Variants in ADAMTS12 observed in about 807,000 individuals in gnomAD.
ADAMTS12 encodes A disintegrin and metalloproteinase with thrombospondin motifs 12.
ADAMTS12 carries 118 observed loss-of-function variants against 167.8 expected under a neutral mutation model. That is an observed-to-expected ratio of 0.70 (90% CI 0.61 to 0.82). ADAMTS12 has a LOEUF of 0.82. Ranked by LOEUF, ADAMTS12 falls within the 40% of genes least tolerant of loss-of-function variation. ADAMTS12 has a pLI of 0.00. For missense variants in ADAMTS12, 1,916 were observed against 1,998.8 expected, an observed-to-expected ratio of 0.96 and a Z score of 0.79; for synonymous variants, 704 against 716.9, an observed-to-expected ratio of 0.98 and a Z score of 0.29.
intron 21 of ADAMTS12, 104 bp from the exon 22 acceptor site, chr5:33,546,306 A>T: frequency 9.1e-7 from 1 of 1,095,074 alleles, no homozygotes; most frequent in Non-Finnish European, 1.2e-6. Context: ...CAGTGTTACT[A>T]GGAATATTGG....
chr5:33,664,839 C>G (rs1561202354), intron 5 of ADAMTS12, among the ~76,000 whole-genome samples: 1 of 152,120 alleles, frequency 6.6e-6, no homozygotes, highest in African/African-American at 2.4e-5. Flanking sequence ...GAGATACCTG[C>G]CATGTTCACT....
intron 2 of ADAMTS12, among the ~76,000 whole-genome samples, chr5:33,791,385 A>G (rs148791606): frequency 6.6e-6 from 1 of 152,180 alleles, no homozygotes; most frequent in African/African-American, 2.4e-5. Context: ...GTTGGTCTCA[A>G]TCTCTTTCAG....
Position 33,620,678 on chromosome 5 carries a change from A to G in ADAMTS12, c.2143+3553T>C, listed in dbSNP as rs547582589. ...AGTTTTAATAGATTTTTAACTTTTT[A>G]TAATAGATTTGTGTATATTTTATGG... On this transcript the variant is annotated intron_variant, in intron 14 of 23. Transcript: ENST00000504830. 3.9e-5 allele frequency among the ~76,000 whole-genome samples: 6 copies of G among 152,342 alleles called. No individual in the cohort carries two copies. In the East Asian group the frequency reaches 5.8e-4, roughly 15 times the overall value.
intron 16 of ADAMTS12, among the ~76,000 whole-genome samples, chr5:33,604,640 C>T (rs377038178): frequency 2.0e-5 from 3 of 151,854 alleles, no homozygotes; most frequent in Admixed American, 6.6e-5. Flanking sequence ...AGAGCTCAGC[C>T]GACCTACCTG....
intron 20 of ADAMTS12, among the ~76,000 whole-genome samples, chr5:33,555,983 C>T (rs1259081891): frequency 6.6e-6 from 1 of 152,204 alleles, no homozygotes; most frequent in Non-Finnish European, 1.5e-5. Flanking sequence ...GTCCACAGGC[C>T]TCTTGCCCTA....
intron 3 of ADAMTS12, among the ~76,000 whole-genome samples, chr5:33,738,244 T>G (rs954620926): frequency 2.0e-5 from 3 of 152,160 alleles, no homozygotes; most frequent in African/African-American, 7.2e-5. Context: ...ATAAATACCC[T>G]TCTCCAAACC....
intron 12 of ADAMTS12, among the ~76,000 whole-genome samples, chr5:33,634,698 A>T (rs2112156114): frequency 6.6e-6 from 1 of 152,262 alleles, no homozygotes; most frequent in Middle Eastern, 3.4e-3. Flanking sequence ...TCTTATTGTA[A>T]TCCCCACAAT....
intron 19 of ADAMTS12, among the ~76,000 whole-genome samples, chr5:33,571,848 T>A (rs531352087): frequency 1.3e-5 from 2 of 151,664 alleles, no homozygotes; most frequent in African/African-American, 4.8e-5. Context: ...GATAGACCGC[T>A]AGCAAGACTA....
At chr5:33,836,013 G>C (rs940697875) in intron 2 of ADAMTS12, among the ~76,000 whole-genome samples, 2 of 149,454 alleles carry the variant, frequency 1.3e-5, no homozygotes, top group African/African-American at 5.0e-5. Context: ...AGGGAAATAG[G>C]CAACATATGC....
chr5:33,529,541 G>A (rs1743992235), intron 23 of ADAMTS12, among the ~76,000 whole-genome samples: 1 of 152,070 alleles, frequency 6.6e-6, no homozygotes, highest in African/African-American at 2.4e-5. Flanking sequence ...TTTGTAAAGG[G>A]AACAGTCAGG....
chr5:33,652,996 A>G (rs1483960514), intron 7 of ADAMTS12, among the ~76,000 whole-genome samples: 1 of 152,036 alleles, frequency 6.6e-6, no homozygotes, highest in Admixed American at 6.6e-5. Context: ...TTTCTTTCCC[A>G]TATGTATGCT....
At chr5:33,597,786 T>C (rs957206596) in intron 16 of ADAMTS12, among the ~76,000 whole-genome samples, 4 of 152,148 alleles carry the variant, frequency 2.6e-5, no homozygotes, top group Non-Finnish European at 5.9e-5. Flanking sequence ...ACTCGGATCA[T>C]TGACATCAGA....
intron 19 of ADAMTS12, among the ~76,000 whole-genome samples, chr5:33,564,378 C>T (rs1745903713): frequency 1.3e-5 from 2 of 152,088 alleles, no homozygotes; most frequent in Admixed American, 1.3e-4. Context: ...AAGTAGGAGG[C>T]AGTATGTTTT....
At chr5:33,655,760 T>G (rs150833697) in intron 7 of ADAMTS12, among the ~76,000 whole-genome samples, 4 of 152,170 alleles carry the variant, frequency 2.6e-5, no homozygotes, top group East Asian at 3.9e-4. Context: ...ATCTAGGTTT[T>G]AAGCCTAGAT....
chr5:33,655,517 C>T (rs1227414445), intron 7 of ADAMTS12, among the ~76,000 whole-genome samples: 1 of 151,778 alleles, frequency 6.6e-6, no homozygotes, highest in African/African-American at 2.4e-5. Context: ...TCTACCTTCC[C>T]TGTTCTGTTT....
chr5:33,573,834 C>T (rs1304009076), intron 19 of ADAMTS12, among the ~76,000 whole-genome samples: 4 of 152,222 alleles, frequency 2.6e-5, no homozygotes, highest in Non-Finnish European at 4.4e-5. Context: ...AGAAAATGTT[C>T]GCAACCTACT....
At chr5:33,565,144 C>G (rs1467127142) in intron 19 of ADAMTS12, among the ~76,000 whole-genome samples, 3 of 151,892 alleles carry the variant, frequency 2.0e-5, no homozygotes, top group Non-Finnish European at 4.4e-5. Flanking sequence ...CCCTCTCTGA[C>G]AGTTATTTAT....
chr5:33,660,049 A>G (rs1741199977), intron 6 of ADAMTS12, among the ~76,000 whole-genome samples: 1 of 152,172 alleles, frequency 6.6e-6, no homozygotes, highest in Non-Finnish European at 1.5e-5. Context: ...ACAATGCACA[A>G]GATAGGCCCA....
intron 3 of ADAMTS12, among the ~76,000 whole-genome samples, chr5:33,731,015 G>A (rs796418419): frequency 5.3e-5 from 8 of 152,252 alleles, no homozygotes; most frequent in African/African-American, 1.9e-4. Flanking sequence ...TTTCCCATCC[G>A]TAAATAGGGA....
Sources: allele counts gnomAD v4.1 joint callset (sites outside exome capture counted in the v4.1 genomes callset), GRCh38; gene constraint gnomAD v4.1.1; transcripts MANE v1.5; gene names NCBI Gene and HGNC (gene_info 2026-07-23, HGNC 2026-07-21).